PGBD5: variants seen among roughly 807,000 people sequenced by gnomAD.
The protein encoded by PGBD5 is piggyBac transposable element derived 5.
PGBD5 carries 14 observed loss-of-function variants against 47.9 expected under a neutral mutation model. That is an observed-to-expected ratio of 0.29 (90% CI 0.19 to 0.46). The LOEUF is 0.46. Among genes scored for constraint, PGBD5 ranks in the 20% least tolerant of loss-of-function variants. The pLI, the probability that PGBD5 is intolerant of heterozygous loss-of-function variation, is 1.00. For synonymous variants in PGBD5, 316 were observed against 306.3 expected (o/e 1.03, Z -0.33); for missense variants, 635 against 716.0 (o/e 0.89, Z 1.29).
chr1:230,372,859 C>A (rs1293043241), intron 1 of PGBD5, among the ~76,000 whole-genome samples: 2 of 152,150 alleles, frequency 1.3e-5, no homozygotes, highest in African/African-American at 4.8e-5. Context: ...CTGCAGGTGG[C>A]TTTCTTCCTC....
chr1:230,383,723 G>C (rs1026115816), intron 1 of PGBD5, among the ~76,000 whole-genome samples: 1 of 152,196 alleles, frequency 6.6e-6, no homozygotes, highest in African/African-American at 2.4e-5. Context: ...CAAAGTTGGA[G>C]AGCAGCAGAG....
intron 1 of PGBD5, among the ~76,000 whole-genome samples, chr1:230,363,213 C>T (rs1238772732): frequency 1.3e-5 from 2 of 152,216 alleles, no homozygotes; most frequent in Admixed American, 6.5e-5. Context: ...TGCTCTCTGC[C>T]TTCATTCAGA....
chr1:230,346,357 A>T (rs567568554), intron 3 of PGBD5, among the ~76,000 whole-genome samples: 1 of 152,082 alleles, frequency 6.6e-6, no homozygotes, highest in Non-Finnish European at 1.5e-5. Flanking sequence ...GGTATTTTCA[A>T]TTTACTAGGG....
intron 1 of PGBD5, chr1:230,377,619 C>A: frequency 6.5e-7 from 1 of 1,527,094 alleles, no homozygotes; most frequent in Non-Finnish European, 8.8e-7. Flanking sequence ...TGTAGTCAGG[C>A]ATATCTGACC....
intron 1 of PGBD5, among the ~76,000 whole-genome samples, chr1:230,385,885 G>A (rs1656625952): frequency 1.3e-5 from 2 of 152,152 alleles, no homozygotes; most frequent in South Asian, 2.1e-4. Flanking sequence ...CCGGGAGCTT[G>A]CTGGACCTGC....
intron 1 of PGBD5, among the ~76,000 whole-genome samples, chr1:230,390,416 C>T (rs1398442845): frequency 6.6e-6 from 1 of 152,188 alleles, no homozygotes; most frequent in African/African-American, 2.4e-5. Flanking sequence ...CTCACCTGAA[C>T]ATCTCACCCC....
At chr1:230,382,001 G>A (rs972460731) in intron 1 of PGBD5, among the ~76,000 whole-genome samples, 1 of 148,014 alleles carries the variant, frequency 6.8e-6, no homozygotes, top group Non-Finnish European at 1.5e-5. Flanking sequence ...CCTTCCTCTG[G>A]ATTCTCAAAG....
intron 1 of PGBD5, among the ~76,000 whole-genome samples, chr1:230,411,649 G>A (rs1310899366): frequency 6.6e-6 from 1 of 152,210 alleles, no homozygotes; most frequent in Non-Finnish European, 1.5e-5. Context: ...CTTGAGAGAT[G>A]AGAAATTATT....
In PGBD5 at chr1:230,349,937, CAGA is replaced by C. The variant is rs1667535965; in HGVS notation, c.894+1018_894+1020del. On this transcript the variant is annotated intron_variant, in intron 3 of 6. Coordinates refer to ENST00000391860, the MANE Select transcript of PGBD5 (RefSeq NM_001258311.2). ...TCAACCTGAAGGTCCCTCAGACCTG[CAGA>C]AGGAGCCGAGATGGTGCTTTGGAGG... 3.3e-5 allele frequency among the ~76,000 whole-genome samples: 5 copies of C among 152,362 alleles called. No individual in the cohort carries two copies. The South Asian group carries it at 8.3e-4, about 25-fold the overall frequency.
At chr1:230,373,686 G>A (rs1206904432) in intron 1 of PGBD5, among the ~76,000 whole-genome samples, 2 of 152,130 alleles carry the variant, frequency 1.3e-5, no homozygotes, top group Non-Finnish European at 2.9e-5. Context: ...AACAATCAGC[G>A]ATACATGTGA....
At position 230,365,362 on chromosome 1, in the gene PGBD5, T is replaced by C. The variant is rs377230621; in HGVS notation, c.332-8041A>G. Reference sequence around the variant, plus strand: ...TTGGCTAATATAGATATTAAATCCATAACCTTGACTAGAGGTCACATGACA... The same window carrying C: ...TTGGCTAATATAGATATTAAATCCACAACCTTGACTAGAGGTCACATGACA... On this transcript the variant is annotated intron_variant, in intron 1 of 6. Coordinates refer to ENST00000391860, the MANE Select transcript of PGBD5 (RefSeq NM_001258311.2). 3.3e-5 allele frequency among the ~76,000 whole-genome samples: 5 copies of C among 150,264 alleles called. No individual in the cohort carries two copies. The East Asian group carries it at 9.8e-4, about 29-fold the overall frequency.
chr1:230,410,401 C>A (rs1657386858), intron 1 of PGBD5, among the ~76,000 whole-genome samples: 1 of 152,070 alleles, frequency 6.6e-6, no homozygotes, highest in Non-Finnish European at 1.5e-5. Flanking sequence ...TTTTCTTACA[C>A]CTATGCCACA....
intron 1 of PGBD5, among the ~76,000 whole-genome samples, chr1:230,388,238 C>T (rs958738874): frequency 2.6e-5 from 4 of 152,156 alleles, no homozygotes; most frequent in Non-Finnish European, 4.4e-5. Context: ...AGAGCGGACA[C>T]GCCTTGCCAG....
chr1:230,335,788 C>G (rs114174059), intron 4 of PGBD5, among the ~76,000 whole-genome samples: 1 of 8,094 alleles, frequency 1.2e-4, no homozygotes, highest in African/African-American at 2.1e-4. Flanking sequence ...CACACACACA[C>G]ACAGGCACAA....
In PGBD5 at chr1:230,321,567, G is replaced by C. The variant is rs1035183938; in HGVS notation, c.*1858C>G. The C allele has an allele frequency of 2.0e-5, 3 of 152,258 alleles. No individual in the cohort carries two copies. Among genetic ancestry groups the C allele is most frequent in the African/African-American group, 7.2e-5 (3 of 41,460 alleles). The allele number at this position is 152,258 out of a possible 1,614,324, so 9.4% of individuals were successfully genotyped here. A position where few individuals can be genotyped will look rare whatever the true frequency, so the allele number is the denominator to read the frequency against. ...GATCCGCCCGCTTCAGCCTCCAAAA[G>C]TGCTGGGATTACAGGCATGAGCCAC... On this transcript the variant is annotated 3_prime_UTR_variant, in exon 7 of 7. Coordinates refer to ENST00000391860, the MANE Select transcript of PGBD5 (RefSeq NM_001258311.2).
At chr1:230,325,206 G>T (rs1262761298) in intron 6 of PGBD5, 104 bp downstream of exon 6, 3 of 875,226 alleles carry the variant, frequency 3.4e-6, no homozygotes, top group African/African-American at 1.7e-5. Context: ...TCTTCATCCT[G>T]CAGTTCTTAC....
At chr1:230,346,686 A>G (rs372078192) in intron 3 of PGBD5, among the ~76,000 whole-genome samples, 11 of 151,822 alleles carry the variant, frequency 7.2e-5, no homozygotes, top group African/African-American at 2.2e-4. Flanking sequence ...GCTCATGGCT[A>G]CTCTCTTCTT....
intron 5 of PGBD5, among the ~76,000 whole-genome samples, chr1:230,327,494 G>A (rs963030978): frequency 6.6e-6 from 1 of 152,152 alleles, no homozygotes; most frequent in African/African-American, 2.4e-5. Flanking sequence ...GTGGGAAATT[G>A]AGCTGCCAAG....
At chr1:230,400,428 T>A (rs552223089) in intron 1 of PGBD5, among the ~76,000 whole-genome samples, 1 of 152,200 alleles carries the variant, frequency 6.6e-6, no homozygotes, top group East Asian at 1.9e-4. Context: ...GGTTCACTGC[T>A]TATTGTCTGT....
Sources: gnomAD v4.1 joint callset for allele counts (sites outside exome capture counted in the v4.1 genomes callset) on GRCh38, gnomAD v4.1.1 for gene constraint, MANE v1.5 for transcripts, NCBI Gene and HGNC (gene_info 2026-07-23, HGNC 2026-07-21) for gene names.